CLVS2: variants seen among roughly 807,000 people sequenced by gnomAD.
CLVS2 encodes the protein clavesin-2.
A neutral mutation model predicts 29.0 loss-of-function variants in CLVS2; 19 were observed. The observed-to-expected ratio is 0.66, with a 90% CI of 0.46 to 0.96. The LOEUF is 0.96. Ranked by LOEUF, CLVS2 falls within the 40% of genes least tolerant of loss-of-function variation. The pLI, the probability that CLVS2 is intolerant of heterozygous loss-of-function variation, is 0.00. For missense variants in CLVS2, 294 were observed against 404.1 expected (o/e 0.73, Z 2.34); for synonymous variants, 161 against 151.3 (o/e 1.06, Z -0.47).
chr6:123,057,383 G>A (rs781005426), intron 5 of CLVS2, among the ~76,000 whole-genome samples: 15 of 117,278 alleles, frequency 1.3e-4, no homozygotes, highest in Admixed American at 4.7e-4. Flanking sequence ...GTCTAGCTCT[G>A]TCTCCCAGGC....
intron 3 of CLVS2, among the ~76,000 whole-genome samples, chr6:123,014,596 T>C (rs1469879941): frequency 3.3e-5 from 5 of 152,100 alleles, no homozygotes; most frequent in Non-Finnish European, 7.4e-5. Context: ...TCAAGTGTTA[T>C]TATATTAGAA....
At position 123,050,128 on chromosome 6, in the gene CLVS2, T is replaced by C. The variant is rs576732934; in HGVS notation, c.675+1396T>C. ...GTTTTAATAGTTTAGGAGGAAGAAT[T>C]CTATAAACAATTATAATTTATAGTA... is the stretch of plus-strand genomic sequence containing the variant. On this transcript the variant is annotated intron_variant, in intron 4 of 5. Coordinates refer to ENST00000275162, the MANE Select transcript of CLVS2 (RefSeq NM_001010852.4). 2.0e-5 allele frequency among the ~76,000 whole-genome samples: 3 copies of C among 152,312 alleles called. No individual in the cohort carries two copies. In the South Asian group the frequency reaches 6.2e-4, roughly 32 times the overall value.
intron 3 of CLVS2, among the ~76,000 whole-genome samples, chr6:123,033,478 A>AT (rs1775110627): frequency 6.6e-6 from 1 of 152,118 alleles, no homozygotes; most frequent in Non-Finnish European, 1.5e-5. Context: ...GCTTTTCAAC[A>AT]AATGTTGCTG....
At chr6:123,053,197 T>A (rs967023428) in intron 4 of CLVS2, among the ~76,000 whole-genome samples, 3 of 151,678 alleles carry the variant, frequency 2.0e-5, no homozygotes, top group African/African-American at 7.3e-5. Flanking sequence ...TACAAAAAAA[T>A]TAACGGGGCA....
intron 2 of CLVS2, among the ~76,000 whole-genome samples, chr6:122,998,549 A>G (rs77897879): frequency 1.3e-5 from 2 of 152,326 alleles, no homozygotes; most frequent in South Asian, 2.1e-4. Context: ...TCCTAAAAAA[A>G]TTCTTAAACT....
chr6:123,007,745 A>C (rs1428507691), intron 2 of CLVS2, among the ~76,000 whole-genome samples: 1 of 152,156 alleles, frequency 6.6e-6, no homozygotes, highest in East Asian at 1.9e-4. Flanking sequence ...CACAAATTCA[A>C]ATTTTACTTA....
intron 2 of CLVS2, among the ~76,000 whole-genome samples, chr6:123,001,925 T>C (rs973855962): frequency 2.6e-5 from 4 of 152,178 alleles, no homozygotes; most frequent in Non-Finnish European, 4.4e-5. Flanking sequence ...ATAATGATGA[T>C]AGGAAGTGTC....
intron 3 of CLVS2, among the ~76,000 whole-genome samples, chr6:123,019,484 G>T (rs545073234): frequency 2.0e-3 from 310 of 152,084 alleles, no homozygotes; most frequent in African/African-American, 7.2e-3. Context: ...GCTTTGCATA[G>T]GTTAAGGGGC....
At chr6:123,028,120 T>C (rs1289727649) in intron 3 of CLVS2, among the ~76,000 whole-genome samples, 1 of 152,186 alleles carries the variant, frequency 6.6e-6, no homozygotes, top group African/African-American at 2.4e-5. Context: ...AATAATTAAG[T>C]GCACATGAGT....
Position 123,069,620 on chromosome 6 carries a change from G to C in CLVS2, c.*5859G>C, listed in dbSNP as rs569598050. On this transcript the variant is annotated 3_prime_UTR_variant, in exon 6 of 6. Transcript: ENST00000275162. ...CTGCTCCCTCCTAAAGGCAGGCCAGGAGAAGCCACATTTCCAGCAGTAGTA... is the reference window on the plus strand; with the variant it reads ...CTGCTCCCTCCTAAAGGCAGGCCAGCAGAAGCCACATTTCCAGCAGTAGTA... The C allele has an allele frequency of 5.3e-5, 8 of 151,904 alleles. No homozygotes were observed. In the East Asian group the frequency reaches 1.2e-3, roughly 22 times the overall value. The allele number at this position is 151,904 out of a possible 1,614,324, so 9.4% of individuals were successfully genotyped here. A position where few individuals can be genotyped will look rare whatever the true frequency, so the allele number is the denominator to read the frequency against.
chr6:123,023,064 T>G (rs547403455), intron 3 of CLVS2, among the ~76,000 whole-genome samples: 2 of 152,102 alleles, frequency 1.3e-5, no homozygotes, highest in Non-Finnish European at 2.9e-5. Context: ...GTTCCAGTTT[T>G]ATAGATATTT....
rs1223638585 is a variant in CLVS2, at chr6:123,068,343, G to A, written c.*4582G>A. Reference sequence around the variant, plus strand: ...TTGTCATTATTTGACTTAGATTTAAGTCTCAGTGCAAATATGTCTGTCCTT... The same window carrying A: ...TTGTCATTATTTGACTTAGATTTAAATCTCAGTGCAAATATGTCTGTCCTT... On this transcript the variant is annotated 3_prime_UTR_variant, in exon 6 of 6. Coordinates refer to ENST00000275162, the MANE Select transcript of CLVS2 (RefSeq NM_001010852.4). 6.6e-6 allele frequency: 1 copy of A among 151,514 alleles called. No homozygotes were observed. The highest frequency in any genetic ancestry group is 1.5e-5 in the Non-Finnish European group (1 of 67,640). 9.4% of individuals were successfully genotyped at this position (151,514 alleles called of 1,614,324 possible). A position where few individuals can be genotyped will look rare whatever the true frequency, so the allele number is the denominator to read the frequency against.
chr6:123,037,263 T>G (rs1775168374), intron 3 of CLVS2, among the ~76,000 whole-genome samples: 3 of 152,108 alleles, frequency 2.0e-5, no homozygotes, highest in Non-Finnish European at 4.4e-5. Flanking sequence ...TGCTTTCAGC[T>G]ATTCTCTCCC....
intron 3 of CLVS2, among the ~76,000 whole-genome samples, chr6:123,039,237 A>C (rs1281334538): frequency 6.6e-6 from 1 of 152,170 alleles, no homozygotes; most frequent in Non-Finnish European, 1.5e-5. Flanking sequence ...TGTGTTATCT[A>C]AAGTAGCTTG....
intron 4 of CLVS2, among the ~76,000 whole-genome samples, chr6:123,053,258 C>T (rs917383792): frequency 9.9e-5 from 15 of 152,030 alleles, no homozygotes; most frequent in Admixed American, 3.3e-4. Flanking sequence ...GCAGGAGAAT[C>T]GCTTGAACCC....
In CLVS2 at chr6:123,069,598, C is replaced by T. The variant is rs1167101204; in HGVS notation, c.*5837C>T. On this transcript the variant is annotated 3_prime_UTR_variant, in exon 6 of 6. Transcript: ENST00000275162. ...AGGTTATCAAGAATCGTTATTGCTG[C>T]TCCCTCCTAAAGGCAGGCCAGGAGA... 1.3e-5 allele frequency: 2 copies of T among 151,796 alleles called. No homozygotes were observed. Among genetic ancestry groups the T allele is most frequent in the East Asian group, 3.9e-4 (2 of 5,180 alleles). 9.4% of individuals were successfully genotyped at this position (151,796 alleles called of 1,614,324 possible).
rs1772952445 is a variant in CLVS2 at position 123,071,712 on chromosome 6, A to G, written c.*7951A>G. On this transcript the variant is annotated 3_prime_UTR_variant, in exon 6 of 6. Transcript: ENST00000275162. ...ACATTGTGTTCGTATCTTCTCTGCAACAATTATAAAATGAATGAGGAAGTA... is the reference window on the plus strand; with the variant it reads ...ACATTGTGTTCGTATCTTCTCTGCAGCAATTATAAAATGAATGAGGAAGTA... The G allele has an allele frequency of 6.6e-6, 1 of 152,064 alleles. No individual in the cohort carries two copies. The highest frequency in any genetic ancestry group is 2.4e-5 in the African/African-American group (1 of 41,440). The allele number at this position is 152,064 out of a possible 1,614,324, so 9.4% of individuals were successfully genotyped here.
rs925232193 is a variant in CLVS2, at chr6:123,072,506, T to G, written c.*8745T>G. The stretch of plus-strand genomic sequence containing the variant: ...ATTCTTGCTCACAAACAAGGCAGAA[T>G]TTCCTTATGTTTCTTAATATTTGAT... On this transcript the variant is annotated 3_prime_UTR_variant, in exon 6 of 6. Transcript: ENST00000275162. 4 of 152,118 alleles carry G rather than the reference T, an allele frequency of 2.6e-5. No homozygotes were observed. The highest frequency in any genetic ancestry group is 9.7e-5 in the African/African-American group (4 of 41,450). 9.4% of individuals were successfully genotyped at this position (152,118 alleles called of 1,614,324 possible).
chr6:123,004,750 T>C (rs1180306126), intron 2 of CLVS2, among the ~76,000 whole-genome samples: 2 of 151,820 alleles, frequency 1.3e-5, no homozygotes, highest in Admixed American at 6.6e-5. Context: ...CCGTCTCTAC[T>C]AAAATTACAA....
Sources: gnomAD v4.1 joint callset for allele counts (sites outside exome capture counted in the v4.1 genomes callset) on GRCh38, gnomAD v4.1.1 for gene constraint, MANE v1.5 for transcripts, NCBI Gene and HGNC (gene_info 2026-07-23, HGNC 2026-07-21) for gene names.